GAS7: variants seen among roughly 807,000 people sequenced by gnomAD.
The protein encoded by GAS7 is growth arrest specific 7, also known as growth arrest-specific protein 7.
Under a neutral mutation model 71.1 loss-of-function variants are expected in GAS7, and 28 were observed. The observed-to-expected ratio is 0.39, with a 90% CI of 0.29 to 0.54. The LOEUF (loss-of-function observed/expected upper bound fraction) is 0.54, where lower values mean the gene tolerates loss of function less well. Among genes scored for constraint, GAS7 ranks in the 20% least tolerant of loss-of-function variants. The probability of loss-of-function intolerance (pLI) is 0.62; values close to 1 mark genes in which losing one functional copy is unlikely to be tolerated. For missense variants in GAS7, 436 were observed against 627.8 expected (o/e 0.69, Z 3.27); for synonymous variants, 258 against 245.8 (o/e 1.05, Z -0.46).
chr17:10,124,286 T>C (rs1361300787), intron 1 of GAS7, among the ~76,000 whole-genome samples: 2 of 152,218 alleles, frequency 1.3e-5, no homozygotes, highest in Non-Finnish European at 2.9e-5. Context: ...TCCCTCACTC[T>C]GCAAGACTTG....
At chr17:9,939,103 T>C (rs1172360041) in intron 8 of GAS7, among the ~76,000 whole-genome samples, 1 of 152,222 alleles carries the variant, frequency 6.6e-6, no homozygotes, top group Non-Finnish European at 1.5e-5. Flanking sequence ...TGTGTACATG[T>C]GTATACATGT....
At chr17:10,058,218 T>C (rs1216964187) in intron 1 of GAS7, among the ~76,000 whole-genome samples, 2 of 151,828 alleles carry the variant, frequency 1.3e-5, no homozygotes, top group Non-Finnish European at 2.9e-5. Context: ...AATCTCCCAA[T>C]GCGAGAAATA....
At chr17:9,946,134 C>G (rs997793215) in intron 6 of GAS7, among the ~76,000 whole-genome samples, 1 of 152,152 alleles carries the variant, frequency 6.6e-6, no homozygotes, top group Non-Finnish European at 1.5e-5. Flanking sequence ...CTATCTGATT[C>G]CAGAAAGGGG....
chr17:10,082,855 C>T (rs2073473207), intron 1 of GAS7, among the ~76,000 whole-genome samples: 1 of 152,218 alleles, frequency 6.6e-6, no homozygotes, highest in Non-Finnish European at 1.5e-5. Flanking sequence ...GAATGTCAGA[C>T]ATTATCCTGT....
At chr17:9,994,822 C>T (rs1333411625) in intron 2 of GAS7, among the ~76,000 whole-genome samples, 3 of 152,062 alleles carry the variant, frequency 2.0e-5, no homozygotes, top group Non-Finnish European at 4.4e-5. Flanking sequence ...TGAACTCAAA[C>T]AAATTTACAA....
intron 1 of GAS7, among the ~76,000 whole-genome samples, chr17:10,025,386 C>T (rs1354888712): frequency 1.3e-5 from 2 of 152,046 alleles, no homozygotes; most frequent in East Asian, 3.9e-4. Flanking sequence ...CCAGCTCCTT[C>T]CCAAGGAGGA....
chr17:9,939,608 A>G (rs2068524833), intron 8 of GAS7, among the ~76,000 whole-genome samples: 1 of 148,880 alleles, frequency 6.7e-6, no homozygotes. Context: ...GACAATGTGG[A>G]AGTGCCTTTT....
intron 1 of GAS7, among the ~76,000 whole-genome samples, chr17:10,108,833 C>G (rs972062629): frequency 1.3e-5 from 2 of 152,116 alleles, no homozygotes; most frequent in Non-Finnish European, 2.9e-5. Context: ...AAAATCAACT[C>G]AAGATGGATT....
chr17:10,168,679 A>C (rs1306375386), intron 1 of GAS7, among the ~76,000 whole-genome samples: 1 of 152,208 alleles, frequency 6.6e-6, no homozygotes, highest in Non-Finnish European at 1.5e-5. Context: ...GTGGTTAAAA[A>C]ATTAATAATT....
In GAS7 at chr17:9,986,612, G is replaced by A. The variant is rs374447113; in HGVS notation, c.305-4728C>T. Among the ~76,000 whole-genome samples, 191 of 152,290 alleles carry A rather than the reference G, an allele frequency of 1.3e-3. 2 individuals carry two copies. In the South Asian group the frequency reaches 0.038, roughly 30 times the overall value. On this transcript the variant is annotated intron_variant, in intron 2 of 13. Coordinates refer to ENST00000432992, the MANE Select transcript of GAS7 (RefSeq NM_201433.2). ...GCAGGAGGCTCTGAAACCCTAGGTG[G>A]ACGCTGGCCTGCAGTCTGAATGCTG...
At chr17:10,167,214 C>T (rs147832577) in intron 1 of GAS7, among the ~76,000 whole-genome samples, 29,505 of 151,176 alleles carry the variant, frequency 0.2, 3,017 homozygotes, top group African/African-American at 0.24. Context: ...TGCACCACCA[C>T]GCCCGGCTAA....
At chr17:10,017,177 T>G (rs1378422971) in intron 2 of GAS7, among the ~76,000 whole-genome samples, 3 of 148,298 alleles carry the variant, frequency 2.0e-5, no homozygotes, top group Non-Finnish European at 4.5e-5. Context: ...AATAAATAAA[T>G]AAAGAGAGGA....
intron 2 of GAS7, among the ~76,000 whole-genome samples, chr17:10,015,413 T>C (rs2071954102): frequency 6.6e-6 from 1 of 152,070 alleles, no homozygotes; most frequent in Non-Finnish European, 1.5e-5. Context: ...TGGGCTAGCA[T>C]GTGGATGAAA....
rs1230191341 is a variant in GAS7 at position 9,913,808 on chromosome 17, C to T, written c.*3420G>A. On this transcript the variant is annotated 3_prime_UTR_variant, in exon 14 of 14. Coordinates refer to ENST00000432992, the MANE Select transcript of GAS7 (RefSeq NM_201433.2). ...TCCTGGAGGTTGTCACAGCAACCAA[C>T]TTGGAACACCATTTGGCTTAAGGAA... 4.3e-6 allele frequency: 1 copy of T among 231,616 alleles called. No individual in the cohort carries two copies. The highest frequency in any genetic ancestry group is 8.5e-6 in the Non-Finnish European group (1 of 117,162). 14.3% of individuals were successfully genotyped at this position (231,616 alleles called of 1,614,324 possible). A position where few individuals can be genotyped will look rare whatever the true frequency, so the allele number is the denominator to read the frequency against.
chr17:10,130,930 G>A (rs1383421176), intron 1 of GAS7, among the ~76,000 whole-genome samples: 1 of 152,168 alleles, frequency 6.6e-6, no homozygotes, highest in Non-Finnish European at 1.5e-5. Flanking sequence ...AATTGATGAT[G>A]GTAATGATTG....
chr17:10,104,678 T>C (rs951190309), intron 1 of GAS7, among the ~76,000 whole-genome samples: 4 of 152,184 alleles, frequency 2.6e-5, no homozygotes, highest in African/African-American at 9.7e-5. Flanking sequence ...CCACCATCTA[T>C]CATCCTGTTG....
chr17:10,125,447 G>A (rs2073936903), intron 1 of GAS7, among the ~76,000 whole-genome samples: 1 of 150,796 alleles, frequency 6.6e-6, no homozygotes. Flanking sequence ...AACATGGGAG[G>A]CAGATGTTGC....
chr17:10,055,131 C>T (rs888023216), intron 1 of GAS7, among the ~76,000 whole-genome samples: 3 of 152,122 alleles, frequency 2.0e-5, no homozygotes, highest in Non-Finnish European at 4.4e-5. Flanking sequence ...GGCACAGTGG[C>T]CTGGGGTAGG....
rs965439670 is a variant in GAS7 at position 9,914,771 on chromosome 17, G to A, written c.*2457C>T. ...GACATGGAGAATAGAGGAGAGCAGAGGAATGCCCATCTTACATACAACTAG... is the reference window on the plus strand; with the variant it reads ...GACATGGAGAATAGAGGAGAGCAGAAGAATGCCCATCTTACATACAACTAG... On this transcript the variant is annotated 3_prime_UTR_variant, in exon 14 of 14. Coordinates refer to ENST00000432992, the MANE Select transcript of GAS7 (RefSeq NM_201433.2). 2 of 227,472 alleles carry A rather than the reference G, an allele frequency of 8.8e-6. No homozygotes were observed. The highest frequency in any genetic ancestry group is 4.4e-5 in the African/African-American group (2 of 45,000). The allele number at this position is 227,472 out of a possible 1,614,324, so 14.1% of individuals were successfully genotyped here.
Sources: allele counts gnomAD v4.1 joint callset (sites outside exome capture counted in the v4.1 genomes callset), GRCh38; gene constraint gnomAD v4.1.1; transcripts MANE v1.5; gene names NCBI Gene and HGNC (gene_info 2026-07-23, HGNC 2026-07-21).